GPC6: variants seen among roughly 807,000 people sequenced by gnomAD.
GPC6 encodes the protein glypican 6, also known as glypican-6.
GPC6 carries 14 observed loss-of-function variants against 55.2 expected under a neutral mutation model. That is an observed-to-expected ratio of 0.25 (90% CI 0.17 to 0.40). GPC6 has a LOEUF of 0.40. Ranked by LOEUF, GPC6 falls within the 10% of genes least tolerant of loss-of-function variation. GPC6 has a pLI of 1.00. For synonymous variants in GPC6, 278 were observed against 259.6 expected (o/e 1.07, Z -0.68); for missense variants, 641 against 708.5 (o/e 0.90, Z 1.08).
chr13:94,213,879 A>C (rs578231502), intron 4 of GPC6, among the ~76,000 whole-genome samples: 2 of 152,354 alleles, frequency 1.3e-5, no homozygotes, highest in East Asian at 3.9e-4. Context: ...CAGTGAGGGA[A>C]GAATGGTGGC....
chr13:93,620,252 A>G (rs772641842), intron 2 of GPC6, among the ~76,000 whole-genome samples: 6 of 152,194 alleles, frequency 3.9e-5, no homozygotes, highest in Non-Finnish European at 7.3e-5. Flanking sequence ...TTTTGTCACC[A>G]TTGAGTCAGT....
At chr13:94,032,897 G>A (rs565638366) in intron 4 of GPC6, among the ~76,000 whole-genome samples, 1 of 152,166 alleles carries the variant, frequency 6.6e-6, no homozygotes, top group African/African-American at 2.4e-5. Context: ...GTGGCAGGCC[G>A]AGAGACCCTG....
intron 2 of GPC6, among the ~76,000 whole-genome samples, chr13:93,805,633 AG>A (rs1448561700): frequency 6.6e-6 from 1 of 152,178 alleles, no homozygotes; most frequent in African/African-American, 2.4e-5. Flanking sequence ...CATAGTTTTT[AG>A]CCACTGCTAA....
At chr13:93,780,951 G>T (rs201893988) in intron 2 of GPC6, among the ~76,000 whole-genome samples, 2 of 151,944 alleles carry the variant, frequency 1.3e-5, no homozygotes, top group East Asian at 3.9e-4. Flanking sequence ...AAATGTTTAA[G>T]CCCCTATTTC....
chr13:94,043,643 C>G (rs1883621547), intron 4 of GPC6, among the ~76,000 whole-genome samples: 1 of 151,700 alleles, frequency 6.6e-6, no homozygotes, highest in South Asian at 2.1e-4. Context: ...TCATTCTAGC[C>G]TTCTCTTTCC....
At chr13:93,617,320 A>G (rs1260323232) in intron 2 of GPC6, among the ~76,000 whole-genome samples, 1 of 152,008 alleles carries the variant, frequency 6.6e-6, no homozygotes. Context: ...TCTAGAATTA[A>G]CTCTTTAAAC....
Position 93,979,701 on chromosome 13 carries a change from G to A in GPC6, c.712-48028G>A, listed in dbSNP as rs145419555. On this transcript the variant is annotated intron_variant, in intron 3 of 8. Transcript: ENST00000377047. ...TATTAAACCTGCACAGTATCATCTG[G>A]CATATAGCAGTAGGGCCAAATATTG... Among the ~76,000 whole-genome samples the A allele has an allele frequency of 4.6e-5, 7 of 152,110 alleles. No homozygotes were observed. In the East Asian group the frequency reaches 1.2e-3, roughly 25 times the overall value.
intron 3 of GPC6, among the ~76,000 whole-genome samples, chr13:93,998,227 A>G (rs1206397081): frequency 1.3e-5 from 2 of 152,234 alleles, no homozygotes; most frequent in African/African-American, 2.4e-5. Context: ...AAGACCATAG[A>G]TGACAATAAA....
chr13:94,144,787 C>G (rs1887504268), intron 4 of GPC6, among the ~76,000 whole-genome samples: 1 of 151,964 alleles, frequency 6.6e-6, no homozygotes, highest in Admixed American at 6.6e-5. Flanking sequence ...AGTTAATATT[C>G]TTACTGCCTG....
chr13:94,116,685 T>C (rs1459412923), intron 4 of GPC6, among the ~76,000 whole-genome samples: 4 of 152,116 alleles, frequency 2.6e-5, no homozygotes, highest in Non-Finnish European at 2.9e-5. Context: ...CTTACGTTTG[T>C]ATTCTACGAT....
intron 3 of GPC6, among the ~76,000 whole-genome samples, chr13:93,955,365 T>G (rs1336966632): frequency 6.6e-6 from 1 of 150,932 alleles, no homozygotes; most frequent in Admixed American, 6.6e-5. Context: ...TTTCCCCAAA[T>G]GCATTATCAT....
intron 4 of GPC6, among the ~76,000 whole-genome samples, chr13:94,105,923 C>T (rs1886037319): frequency 6.6e-6 from 1 of 151,656 alleles, no homozygotes; most frequent in Non-Finnish European, 1.5e-5. Context: ...GGGTAGCTCC[C>T]ACGACCAAGA....
At chr13:93,442,223 A>G (rs141204569) in intron 1 of GPC6, among the ~76,000 whole-genome samples, 20 of 152,270 alleles carry the variant, frequency 1.3e-4, no homozygotes, top group Non-Finnish European at 2.8e-4. Context: ...GAGTAAAGAC[A>G]TAATGAAAAG....
chr13:94,375,122 A>C (rs1879778086), intron 6 of GPC6, among the ~76,000 whole-genome samples: 1 of 150,934 alleles, frequency 6.6e-6, no homozygotes, highest in African/African-American at 2.5e-5. Context: ...AAGATCCAAA[A>C]TTGACACCCT....
At chr13:93,858,348 T>C (rs916374564) in intron 3 of GPC6, among the ~76,000 whole-genome samples, 3 of 151,506 alleles carry the variant, frequency 2.0e-5, no homozygotes, top group African/African-American at 7.3e-5. Flanking sequence ...ATATGTGGGG[T>C]CTATTAGTTA....
intron 4 of GPC6, among the ~76,000 whole-genome samples, chr13:94,262,207 T>A (rs146496516): frequency 6.6e-6 from 1 of 152,204 alleles, no homozygotes; most frequent in African/African-American, 2.4e-5. Context: ...TGGAAGTATA[T>A]GACATTTGGA....
chr13:93,420,349 A>G lies in GPC6; in HGVS notation c.161-124914A>G, dbSNP rs559683427. ...GGTCTTTTGAGGAGGTGCTATTTGA[A>G]CTGAGTCCTGATGGGACTACCGTGG... On this transcript the variant is annotated intron_variant, in intron 1 of 8. Transcript: ENST00000377047. Among the ~76,000 whole-genome samples, 5 of 152,270 alleles carry G rather than the reference A, an allele frequency of 3.3e-5. No homozygotes were observed. The South Asian group carries it at 8.3e-4, about 25-fold the overall frequency.
intron 2 of GPC6, among the ~76,000 whole-genome samples, chr13:93,698,806 C>T (rs544608877): frequency 6.6e-6 from 1 of 152,088 alleles, no homozygotes; most frequent in South Asian, 2.1e-4. Context: ...TTCCCTCTCT[C>T]CTCCCCTCTT....
intron 4 of GPC6, among the ~76,000 whole-genome samples, chr13:94,044,318 T>G (rs1489501931): frequency 6.6e-6 from 1 of 151,918 alleles, no homozygotes; most frequent in African/African-American, 2.4e-5. Context: ...TCACTTAAAT[T>G]TATGCCTAGT....
Sources: allele counts gnomAD v4.1 joint callset (sites outside exome capture counted in the v4.1 genomes callset), GRCh38; gene constraint gnomAD v4.1.1; transcripts MANE v1.5; gene names NCBI Gene and HGNC (gene_info 2026-07-23, HGNC 2026-07-21).